SCMH1: variants seen among roughly 807,000 people sequenced by gnomAD.
The protein encoded by SCMH1 is Scm polycomb group protein homolog 1.
In SCMH1, 37 loss-of-function variants were observed where a neutral mutation model predicts 70.8. That is an observed-to-expected ratio of 0.52 (90% CI 0.40 to 0.69). The LOEUF (loss-of-function observed/expected upper bound fraction) is 0.69. SCMH1 is among the 30% of genes least tolerant of loss of function. The pLI, the probability that SCMH1 is intolerant of heterozygous loss-of-function variation, is 0.00. For synonymous variants in SCMH1, 292 were observed against 307.4 expected (o/e 0.95, Z 0.52); for missense variants, 607 against 827.3 (o/e 0.73, Z 3.27).
chr1:41,073,161 T>A (rs1202572313), intron 9 of SCMH1, among the ~76,000 whole-genome samples: 1 of 152,162 alleles, frequency 6.6e-6, no homozygotes, highest in Non-Finnish European at 1.5e-5. Context: ...ACCCAATACT[T>A]CTAATTCCCT....
chr1:41,134,169 C>T (rs890501323), intron 6 of SCMH1, among the ~76,000 whole-genome samples: 2 of 152,146 alleles, frequency 1.3e-5, no homozygotes, highest in Non-Finnish European at 2.9e-5. Context: ...ATAAACAGAA[C>T]CAATGACAAA....
At chr1:41,074,241 G>C (rs1657486802) in intron 9 of SCMH1, among the ~76,000 whole-genome samples, 1 of 152,132 alleles carries the variant, frequency 6.6e-6, no homozygotes, top group Non-Finnish European at 1.5e-5. Flanking sequence ...GGAAATGTGG[G>C]AAAGACTGAA....
chr1:41,058,225 T>C (rs1056685576), intron 10 of SCMH1, among the ~76,000 whole-genome samples: 2 of 151,964 alleles, frequency 1.3e-5, no homozygotes, highest in Non-Finnish European at 2.9e-5. Context: ...TTGAGCATGA[T>C]AACTGAATGA....
chr1:41,058,112 T>A (rs1349487426), intron 10 of SCMH1, among the ~76,000 whole-genome samples: 2 of 142,584 alleles, frequency 1.4e-5, no homozygotes, highest in African/African-American at 2.6e-5. Flanking sequence ...CAGAGGGAGA[T>A]TGTCTCAAAA....
intron 1 of SCMH1, among the ~76,000 whole-genome samples, chr1:41,193,209 T>C (rs573029689): frequency 6.6e-6 from 1 of 152,346 alleles, no homozygotes; most frequent in Non-Finnish European, 1.5e-5. Context: ...TGTTTTTAGG[T>C]ATTTTTGTGT....
Position 41,201,980 on chromosome 1 carries a change from G to A in SCMH1, c.-117-15730C>T, listed in dbSNP as rs74459883. Among the ~76,000 whole-genome samples, 432 of 152,226 alleles carry A rather than the reference G, an allele frequency of 2.8e-3. 5 individuals carry two copies. The highest frequency in any genetic ancestry group is 9.6e-3 in the African/African-American group (400 of 41,544). Reference sequence around the variant, plus strand: ...ACAGAACTAGCAGGAACCAAGAGGCGTGAGAAAAATAACACATGTCCAGTT... The same window carrying A: ...ACAGAACTAGCAGGAACCAAGAGGCATGAGAAAAATAACACATGTCCAGTT... On this transcript the variant is annotated intron_variant, in intron 1 of 14. Coordinates refer to ENST00000337495, the Ensembl canonical transcript of SCMH1.
chr1:41,109,336 T>C (rs1487878597), intron 8 of SCMH1, among the ~76,000 whole-genome samples: 1 of 152,214 alleles, frequency 6.6e-6, no homozygotes, highest in South Asian at 2.1e-4. Context: ...ATTATCTTAC[T>C]CTGAATTTTT....
intron 6 of SCMH1, among the ~76,000 whole-genome samples, chr1:41,139,390 A>C (rs1205145989): frequency 6.6e-6 from 1 of 152,120 alleles, no homozygotes; most frequent in Admixed American, 6.5e-5. Flanking sequence ...TATCCCCATT[A>C]AAAAGTAACT....
chr1:41,225,961 C>A (rs1660200426), intron 1 of SCMH1, among the ~76,000 whole-genome samples: 1 of 152,180 alleles, frequency 6.6e-6, no homozygotes. Context: ...GAAAGGGGAG[C>A]AAGGAGGCAG....
chr1:41,137,157 TC>T (rs766927203), intron 6 of SCMH1, among the ~76,000 whole-genome samples: 5 of 152,182 alleles, frequency 3.3e-5, no homozygotes, highest in Non-Finnish European at 5.9e-5. Context: ...ATCTTTTTTT[TC>T]TTCTTGCTTT....
intron 13 of SCMH1, among the ~76,000 whole-genome samples, chr1:41,033,539 A>G (rs1644846434): frequency 6.6e-6 from 1 of 152,186 alleles, no homozygotes; most frequent in African/African-American, 2.4e-5. Flanking sequence ...CTCTGCAGAC[A>G]GCCTATGGCA....
chr1:41,153,214 C>A (rs1482428722), intron 4 of SCMH1, among the ~76,000 whole-genome samples: 1 of 152,168 alleles, frequency 6.6e-6, no homozygotes, highest in Admixed American at 6.5e-5. Flanking sequence ...CAGCACTGTC[C>A]AATAAAACTT....
intron 10 of SCMH1, 63 bp from the exon 11 acceptor site, chr1:41,048,953 G>A: frequency 7.0e-7 from 1 of 1,437,540 alleles, no homozygotes; most frequent in Non-Finnish European, 9.5e-7. Context: ...TCAGAGAACA[G>A]CATCCTATTC....
At chr1:41,206,915 G>A (rs986905553) in intron 1 of SCMH1, among the ~76,000 whole-genome samples, 9 of 152,252 alleles carry the variant, frequency 5.9e-5, no homozygotes, top group East Asian at 1.9e-4. Context: ...AATTTTCAAC[G>A]CAGAATTTCA....
intron 1 of SCMH1, among the ~76,000 whole-genome samples, chr1:41,230,096 A>G (rs1273900058): frequency 6.6e-6 from 1 of 152,212 alleles, no homozygotes; most frequent in Admixed American, 6.5e-5. Flanking sequence ...CACAAGGGAA[A>G]ATATCATTTG....
intron 1 of SCMH1, among the ~76,000 whole-genome samples, chr1:41,220,279 A>G (rs192687622): frequency 1.3e-3 from 205 of 152,362 alleles, no homozygotes; most frequent in Non-Finnish European, 2.3e-3. Context: ...GTGGGCAGGC[A>G]GCAGTTGAAG....
chr1:41,133,168 C>G (rs988876339), intron 6 of SCMH1, among the ~76,000 whole-genome samples: 13 of 152,166 alleles, frequency 8.5e-5, no homozygotes, highest in Admixed American at 8.5e-4. Flanking sequence ...TTCATCCTAT[C>G]CGTGAGCGTG....
chr1:41,173,336 C>G (rs970912374), intron 2 of SCMH1, among the ~76,000 whole-genome samples: 1 of 152,064 alleles, frequency 6.6e-6, no homozygotes, highest in African/African-American at 2.4e-5. Flanking sequence ...CAAAAGAAGA[C>G]ATAGAAATGG....
chr1:41,231,987 G>A (rs1011823301), intron 1 of SCMH1, among the ~76,000 whole-genome samples: 11 of 148,078 alleles, frequency 7.4e-5, no homozygotes, highest in Admixed American at 2.0e-4. Flanking sequence ...CTCACACACC[G>A]CACACCAGCC....
Sources: allele counts gnomAD v4.1 joint callset (sites outside exome capture counted in the v4.1 genomes callset), GRCh38; gene constraint gnomAD v4.1.1; transcripts MANE v1.5; gene names NCBI Gene and HGNC (gene_info 2026-07-23, HGNC 2026-07-21).